The following NEK1 variants were observed in gnomAD, a reference collection of about 807,000 sequenced individuals.
NEK1 encodes the protein NIMA related kinase 1, also known as serine/threonine-protein kinase Nek1.
A neutral mutation model predicts 182.1 loss-of-function variants in NEK1; 137 were observed. That is an observed-to-expected ratio of 0.75 (90% CI 0.65 to 0.87). The LOEUF is 0.87. Ranked by LOEUF, NEK1 falls within the 40% of genes least tolerant of loss-of-function variation. The pLI, the probability that NEK1 is intolerant of heterozygous loss-of-function variation, is 0.00. For missense variants in NEK1, 1,391 were observed against 1,494.4 expected (o/e 0.93, Z 1.14); for synonymous variants, 513 against 492.2 (o/e 1.04, Z -0.56).
At chr4:169,437,161 G>T (rs369295924) in intron 28 of NEK1, among the ~76,000 whole-genome samples, 1 of 152,080 alleles carries the variant, frequency 6.6e-6, no homozygotes, top group African/African-American at 2.4e-5. Flanking sequence ...CCTTGTTTTC[G>T]AAAAGGTGTC....
chr4:169,434,923 T>A (rs1282736627), intron 28 of NEK1, among the ~76,000 whole-genome samples: 1 of 152,244 alleles, frequency 6.6e-6, no homozygotes, highest in East Asian at 1.9e-4. Context: ...TTCTATAAAC[T>A]TGACTTATGA....
In NEK1 at chr4:169,537,809, C is replaced by T. The variant is rs762590802; in HGVS notation, c.1665G>A (p.Met555Ile). ...MQNKARAEGH[M>I]GILQNLAAMY... is the part of the protein sequence containing the mutation. ...TCTCAGAAACAAACAAAATTCATAC[C>T]ATATGTCCTTCGGCTCGAGCTTTAT... Residue 555 changes from methionine to isoleucine, a missense_variant and splice_region_variant, in exon 19 of 36, where the codon ATG becomes ATA. Met to Ile is a conservative substitution (Grantham distance 10). Transcript: ENST00000507142. 6.2e-7 allele frequency: 1 copy of T among 1,609,280 alleles called. No homozygotes were observed. Among genetic ancestry groups the T allele is most frequent in the Non-Finnish European group, 8.5e-7 (1 of 1,175,948 alleles).
intron 27 of NEK1, among the ~76,000 whole-genome samples, chr4:169,445,951 G>A (rs568074785): frequency 6.6e-6 from 1 of 151,300 alleles, no homozygotes; most frequent in African/African-American, 2.4e-5. Context: ...CAGTAAGATG[G>A]ATAGAACTGG....
intron 19 of NEK1, among the ~76,000 whole-genome samples, chr4:169,509,523 C>T (rs1332236888): frequency 6.6e-6 from 1 of 151,662 alleles, no homozygotes; most frequent in African/African-American, 2.4e-5. Context: ...TTTTTTTATT[C>T]ATCATCTCAA....
At chr4:169,538,489 T>G (rs1758858407) in intron 18 of NEK1, among the ~76,000 whole-genome samples, 1 of 152,202 alleles carries the variant, frequency 6.6e-6, no homozygotes, top group African/African-American at 2.4e-5. Flanking sequence ...TACTTTTGTG[T>G]CTTTCTCTGA....
At chr4:169,502,067 C>T (rs759048631) in intron 23 of NEK1, among the ~76,000 whole-genome samples, 7 of 151,886 alleles carry the variant, frequency 4.6e-5, no homozygotes, top group Non-Finnish European at 5.9e-5. Flanking sequence ...GACATTACAA[C>T]GGATCCCACA....
chr4:169,395,498 C>G (rs939490326), intron 35 of NEK1, among the ~76,000 whole-genome samples: 2 of 152,168 alleles, frequency 1.3e-5, no homozygotes, highest in East Asian at 3.8e-4. Flanking sequence ...CTTTCAGAAT[C>G]CAACTTTGAT....
intron 35 of NEK1, among the ~76,000 whole-genome samples, chr4:169,398,972 G>T (rs1383804544): frequency 1.3e-5 from 2 of 152,116 alleles, no homozygotes; most frequent in African/African-American, 4.8e-5. Flanking sequence ...GTTTTGCCAG[G>T]TGCAGTGGCT....
chr4:169,460,657 T>C (rs568454068), intron 27 of NEK1, among the ~76,000 whole-genome samples: 5 of 152,220 alleles, frequency 3.3e-5, no homozygotes, highest in South Asian at 2.1e-4. Flanking sequence ...AAGAAAATGA[T>C]TGGACTTTAA....
chr4:169,426,644 C>T (rs1325605421), intron 29 of NEK1, among the ~76,000 whole-genome samples: 2 of 152,132 alleles, frequency 1.3e-5, no homozygotes, highest in African/African-American at 4.8e-5. Flanking sequence ...GTTTGAGAAC[C>T]ACTACTTTAA....
intron 15 of NEK1, 52 bp from the exon 16 acceptor site, chr4:169,561,606 T>C (rs1304408368): frequency 4.4e-6 from 7 of 1,594,102 alleles, no homozygotes; most frequent in African/African-American, 1.3e-5. Context: ...TAATATAAAA[T>C]ACACGTAATA....
chr4:169,518,352 T>A (rs1380149805), intron 19 of NEK1, among the ~76,000 whole-genome samples: 2 of 118,770 alleles, frequency 1.7e-5, no homozygotes, highest in Non-Finnish European at 3.3e-5. Flanking sequence ...GGTGGTGATA[T>A]CCCCTTTATC....
chr4:169,557,118 G>T (rs6822970), intron 16 of NEK1, among the ~76,000 whole-genome samples: 2,003 of 152,052 alleles, frequency 0.013, 39 homozygotes, highest in African/African-American at 0.045. Context: ...ATTATGCATG[G>T]TAAGCAGAAA....
intron 27 of NEK1, among the ~76,000 whole-genome samples, chr4:169,443,104 TCATA>T (rs1190738055): frequency 1.4e-5 from 2 of 147,826 alleles, no homozygotes; most frequent in Admixed American, 6.8e-5. Context: ...TCTATCTATC[TCATA>T]ATTTGAGACC....
chr4:169,545,116 A>G (rs1437471951), intron 18 of NEK1, among the ~76,000 whole-genome samples: 2 of 147,850 alleles, frequency 1.4e-5, no homozygotes, highest in Non-Finnish European at 3.0e-5. Flanking sequence ...GGTTAGTTAC[A>G]TATGTATACA....
intron 3 of NEK1, 137 bp downstream of exon 3, chr4:169,602,377 C>G (rs774324325): frequency 1.9e-5 from 12 of 629,972 alleles, no homozygotes; most frequent in African/African-American, 3.8e-5. Flanking sequence ...ATAGGCTATT[C>G]TGATATTAGC....
At position 169,485,951 on chromosome 4, in the gene NEK1, CAGG is replaced by C. The variant is rs534662323; in HGVS notation, c.2008-6420_2008-6418del. The stretch of plus-strand genomic sequence containing the variant: ...GGTCCCAGCTATAGACAGGCTGAGG[CAGG>C]AGGATCCCTTGAGCCCAGCAGGTCG... On this transcript the variant is annotated intron_variant, in intron 23 of 35. Transcript: ENST00000507142. Among the ~76,000 whole-genome samples the C allele has an allele frequency of 3.9e-5, 6 of 152,164 alleles. No individual in the cohort carries two copies. The South Asian group carries it at 1.2e-3, about 32-fold the overall frequency.
chr4:169,566,420 C>T (rs535735927), intron 12 of NEK1, among the ~76,000 whole-genome samples: 5 of 152,268 alleles, frequency 3.3e-5, no homozygotes, highest in South Asian at 4.1e-4. Context: ...AAAACATCCA[C>T]ACTGAGAGAA....
chr4:169,400,165 G>A, intron 35 of NEK1, 60 bp downstream of exon 35: 1 of 1,464,160 alleles, frequency 6.8e-7, no homozygotes, highest in Non-Finnish European at 9.4e-7. Flanking sequence ...TCATATACAT[G>A]TATCATCTTG....
Sources: allele counts gnomAD v4.1 joint callset (sites outside exome capture counted in the v4.1 genomes callset), GRCh38; gene constraint gnomAD v4.1.1; transcripts MANE v1.5; gene names NCBI Gene and HGNC (gene_info 2026-07-23, HGNC 2026-07-21).